Variants in DISC1 observed in about 807,000 individuals in gnomAD.
The protein encoded by DISC1 is DISC1 scaffold protein.
DISC1 carries 57 observed loss-of-function variants against 84.5 expected under a neutral mutation model. The ratio of observed to expected loss-of-function variants is 0.67; its 90% CI spans 0.55 to 0.84. The LOEUF (loss-of-function observed/expected upper bound fraction) is 0.84, where lower values mean the gene tolerates loss of function less well. Among genes scored for constraint, DISC1 ranks in the 40% least tolerant of loss-of-function variants. The probability of loss-of-function intolerance (pLI) is 0.00; values close to 1 mark genes in which losing one functional copy is unlikely to be tolerated. For synonymous variants in DISC1, 411 were observed against 415.2 expected (o/e 0.99, Z 0.12); for missense variants, 1,000 against 1,057.8 (o/e 0.95, Z 0.76).
At chr1:231,679,886 T>C (rs1441561188) in intron 1 of DISC1, among the ~76,000 whole-genome samples, 1 of 152,240 alleles carries the variant, frequency 6.6e-6, no homozygotes, top group Non-Finnish European at 1.5e-5. Flanking sequence ...TAATGCTGTT[T>C]GAATTCATCA....
intron 1 of DISC1, among the ~76,000 whole-genome samples, chr1:231,643,092 A>G (rs1428164040): frequency 6.6e-6 from 1 of 152,094 alleles, no homozygotes; most frequent in Non-Finnish European, 1.5e-5. Flanking sequence ...AAAGTTGGGG[A>G]CTTGGCAGGC....
At chr1:232,030,638 C>T (rs998832171) in intron 12 of DISC1, among the ~76,000 whole-genome samples, 23 of 152,204 alleles carry the variant, frequency 1.5e-4, no homozygotes, top group Admixed American at 1.2e-3. Context: ...ACAAATACCA[C>T]AGCTCCGTAG....
chr1:231,905,272 T>A (rs766569714), intron 9 of DISC1, among the ~76,000 whole-genome samples: 196 of 152,288 alleles, frequency 1.3e-3, no homozygotes, highest in Non-Finnish European at 5.4e-4. Flanking sequence ...TGGAGGTGCA[T>A]TCCACAAAAT....
intron 10 of DISC1, among the ~76,000 whole-genome samples, chr1:231,977,491 G>C (rs1662977399): frequency 6.6e-6 from 1 of 152,064 alleles, no homozygotes; most frequent in African/African-American, 2.4e-5. Flanking sequence ...TTGCATCACT[G>C]TCTCCTTTGA....
chr1:231,725,287 GC>G (rs1324199240), intron 3 of DISC1, among the ~76,000 whole-genome samples: 1 of 152,210 alleles, frequency 6.6e-6, no homozygotes, highest in Non-Finnish European at 1.5e-5. Context: ...GTGTTCACAA[GC>G]CTCCTGACCC....
intron 1 of DISC1, among the ~76,000 whole-genome samples, chr1:231,652,229 C>T (rs1485143773): frequency 2.6e-5 from 4 of 152,190 alleles, no homozygotes; most frequent in Non-Finnish European, 5.9e-5. Flanking sequence ...GAACAGAATG[C>T]ATCATGTCAC....
intron 3 of DISC1, among the ~76,000 whole-genome samples, chr1:231,710,984 C>G (rs2067749359): frequency 1.3e-5 from 2 of 152,094 alleles, no homozygotes; most frequent in Admixed American, 6.5e-5. Flanking sequence ...GTTTGACTAT[C>G]TGTGGTCATT....
At chr1:231,708,157 G>A (rs541916516) in intron 3 of DISC1, among the ~76,000 whole-genome samples, 11 of 152,196 alleles carry the variant, frequency 7.2e-5, no homozygotes, top group Non-Finnish European at 1.6e-4. Flanking sequence ...ACCTGGTAAA[G>A]CATTATTTTG....
intron 9 of DISC1, among the ~76,000 whole-genome samples, chr1:231,923,570 A>G (rs1318574078): frequency 4.6e-5 from 7 of 152,198 alleles, no homozygotes; most frequent in African/African-American, 1.7e-4. Flanking sequence ...GTAGGCGGAT[A>G]TTACCTCACC....
intron 3 of DISC1, among the ~76,000 whole-genome samples, chr1:231,745,178 T>G (rs1362977792): frequency 6.6e-6 from 1 of 152,158 alleles, no homozygotes; most frequent in Non-Finnish European, 1.5e-5. Flanking sequence ...TAATATATAG[T>G]GATCAGATCG....
In DISC1 at chr1:231,658,103, T is replaced by C. The variant is rs149638375; in HGVS notation, c.67+31169T>C. On this transcript the variant is annotated intron_variant, in intron 1 of 12. Coordinates refer to ENST00000439617, the MANE Select transcript of DISC1 (RefSeq NM_018662.3). ...CTATTTTCATGATATTGATTCTTCC[T>C]GTTCATGAGCATGGAATGTTTCTCC... Among the ~76,000 whole-genome samples the C allele has an allele frequency of 3.4e-3, 512 of 152,360 alleles. 7 individuals are homozygous for C. Among genetic ancestry groups the C allele is most frequent in the African/African-American group, 0.012 (491 of 41,586 alleles).
chr1:231,825,942 A>T (rs34877707), intron 9 of DISC1, among the ~76,000 whole-genome samples: 16,086 of 152,252 alleles, frequency 0.11, 1,065 homozygotes, highest in Non-Finnish European at 0.14. Context: ...TTGGGCACAG[A>T]TTTCTGTATG....
At chr1:232,010,638 T>C (rs1667940034) in intron 11 of DISC1, among the ~76,000 whole-genome samples, 1 of 152,182 alleles carries the variant, frequency 6.6e-6, no homozygotes, top group Admixed American at 6.5e-5. Context: ...ATGTGCTTAA[T>C]ATAAAATTTA....
intron 3 of DISC1, among the ~76,000 whole-genome samples, chr1:231,712,726 T>C (rs1558398432): frequency 6.6e-6 from 1 of 152,208 alleles, no homozygotes; most frequent in Non-Finnish European, 1.5e-5. Context: ...AGTACTGACA[T>C]AGGCATGTAT....
chr1:231,677,069 T>C (rs988994206), intron 1 of DISC1, among the ~76,000 whole-genome samples: 1 of 152,250 alleles, frequency 6.6e-6, no homozygotes, highest in Non-Finnish European at 1.5e-5. Context: ...AGAAGGTTTC[T>C]GTAACTCTAG....
At chr1:231,643,244 C>A (rs1282801808) in intron 1 of DISC1, among the ~76,000 whole-genome samples, 2 of 152,172 alleles carry the variant, frequency 1.3e-5, no homozygotes, top group Non-Finnish European at 2.9e-5. Context: ...TTGTTTCACT[C>A]ATAGAAAAAC....
intron 8 of DISC1, among the ~76,000 whole-genome samples, chr1:231,809,415 T>C (rs1048308047): frequency 1.3e-5 from 2 of 150,896 alleles, no homozygotes; most frequent in Non-Finnish European, 2.9e-5. Flanking sequence ...TTTTTTTATC[T>C]CACCTGCCCC....
chr1:231,795,407 T>C (rs1276258295), intron 7 of DISC1, 111 bp downstream of exon 7: 1 of 949,456 alleles, frequency 1.1e-6, no homozygotes, highest in Non-Finnish European at 1.6e-6. Flanking sequence ...AGATGTAGAC[T>C]TTGTCAAGCC....
intron 12 of DISC1, among the ~76,000 whole-genome samples, chr1:232,028,070 T>C (rs1002585514): frequency 2.0e-5 from 3 of 152,218 alleles, no homozygotes; most frequent in Non-Finnish European, 4.4e-5. Context: ...AAAAATCTTG[T>C]ATTTAAGCTA....
Sources: gnomAD v4.1 joint callset for allele counts (sites outside exome capture counted in the v4.1 genomes callset) on GRCh38, gnomAD v4.1.1 for gene constraint, MANE v1.5 for transcripts, NCBI Gene and HGNC (gene_info 2026-07-23, HGNC 2026-07-21) for gene names.